Variants in MAGI2 observed in about 807,000 individuals in gnomAD.
The protein encoded by MAGI2 is membrane-associated guanylate kinase, WW and PDZ domain-containing protein 2.
In MAGI2, 35 loss-of-function variants were observed where a neutral mutation model predicts 133.3. That is an observed-to-expected ratio of 0.26 (90% confidence interval 0.20 to 0.35). The LOEUF (loss-of-function observed/expected upper bound fraction) is 0.35, where lower values mean the gene tolerates loss of function less well. MAGI2 is among the 10% of genes least tolerant of loss of function. MAGI2 has a pLI of 1.00. For synonymous variants in MAGI2, 729 were observed against 710.6 expected (o/e 1.03, Z -0.41); for missense variants, 1,636 against 1,863.4 (o/e 0.88, Z 2.25).
chr7:78,708,960 CT>C (rs1818911335), intron 2 of MAGI2, among the ~76,000 whole-genome samples: 1 of 151,994 alleles, frequency 6.6e-6, no homozygotes, highest in African/African-American at 2.4e-5. Context: ...AATAAATACC[CT>C]TCCAATCTGT....
intron 1 of MAGI2, among the ~76,000 whole-genome samples, chr7:79,061,430 T>C (rs1285875668): frequency 6.6e-6 from 1 of 151,934 alleles, no homozygotes; most frequent in Non-Finnish European, 1.5e-5. Flanking sequence ...CTGTCGGAGA[T>C]ATTTAGAGGC....
chr7:78,670,054 G>A (rs1292865384), intron 2 of MAGI2, among the ~76,000 whole-genome samples: 2 of 151,694 alleles, frequency 1.3e-5, no homozygotes, highest in East Asian at 1.9e-4. Context: ...TCAACATAGT[G>A]TTGGAAGTTC....
At chr7:79,230,786 C>G (rs1168312549) in intron 1 of MAGI2, among the ~76,000 whole-genome samples, 2 of 151,842 alleles carry the variant, frequency 1.3e-5, no homozygotes, top group Non-Finnish European at 2.9e-5. Context: ...TGCAGAAGCT[C>G]TTTAGTTTAA....
chr7:79,089,543 T>G (rs374876507), intron 1 of MAGI2, among the ~76,000 whole-genome samples: 2 of 151,920 alleles, frequency 1.3e-5, no homozygotes, highest in Non-Finnish European at 2.9e-5. Flanking sequence ...AGCAAAGACT[T>G]TGAACCGACC....
intron 1 of MAGI2, among the ~76,000 whole-genome samples, chr7:79,276,207 T>A (rs1835219123): frequency 6.6e-6 from 1 of 152,192 alleles, no homozygotes; most frequent in African/African-American, 2.4e-5. Context: ...TTGTGACTCA[T>A]GGGAGGAGGT....
intron 2 of MAGI2, among the ~76,000 whole-genome samples, chr7:78,655,212 A>C (rs1812044910): frequency 6.6e-6 from 1 of 152,034 alleles, no homozygotes; most frequent in African/African-American, 2.4e-5. Flanking sequence ...AAAACGCAAG[A>C]CAACGGAAAA....
intron 2 of MAGI2, among the ~76,000 whole-genome samples, chr7:78,763,464 A>G (rs1192606086): frequency 3.3e-5 from 5 of 152,164 alleles, no homozygotes. Context: ...TCTTTACCTT[A>G]GCACACACTG....
At chr7:78,080,781 C>G (rs1815873702) in intron 20 of MAGI2, among the ~76,000 whole-genome samples, 1 of 152,100 alleles carries the variant, frequency 6.6e-6, no homozygotes, top group African/African-American at 2.4e-5. Context: ...GGTTCTTCCT[C>G]TTAATTCCCA....
intron 1 of MAGI2, among the ~76,000 whole-genome samples, chr7:79,371,438 T>A (rs1370038736): frequency 6.6e-6 from 1 of 152,150 alleles, no homozygotes; most frequent in African/African-American, 2.4e-5. Flanking sequence ...TCCTGTTAAC[T>A]ACATATATGA....
intron 2 of MAGI2, among the ~76,000 whole-genome samples, chr7:78,984,792 T>C: frequency 6.6e-6 from 1 of 152,032 alleles, no homozygotes; most frequent in East Asian, 1.9e-4. Context: ...AAATTATCTA[T>C]TTTTCTGTTT....
chr7:79,168,564 T>A (rs192516832), intron 1 of MAGI2, among the ~76,000 whole-genome samples: 1 of 152,192 alleles, frequency 6.6e-6, no homozygotes, highest in East Asian at 1.9e-4. Flanking sequence ...TGTTGTTATG[T>A]TCTTTAAACT....
intron 20 of MAGI2, among the ~76,000 whole-genome samples, chr7:78,106,308 T>G (rs1370462173): frequency 1.3e-5 from 2 of 152,188 alleles, no homozygotes; most frequent in Admixed American, 6.5e-5. Context: ...TGAATACCAC[T>G]GTAATAAACA....
At chr7:79,132,211 G>C (rs1485702624) in intron 1 of MAGI2, among the ~76,000 whole-genome samples, 1 of 151,932 alleles carries the variant, frequency 6.6e-6, no homozygotes, top group African/African-American at 2.4e-5. Context: ...GAATTATATA[G>C]CGATGAATTC....
rs373905250 is a variant in MAGI2 at position 78,466,829 on chromosome 7, G to T, written c.1045+22932C>A. Among the ~76,000 whole-genome samples, 11 of 152,200 alleles carry T rather than the reference G, an allele frequency of 7.2e-5. 1 individual carries two copies. The highest frequency in any genetic ancestry group is 2.6e-4 in the African/African-American group (11 of 41,530). ...TGGGCTGCTTGTTGAAAGGCACTCG[G>T]CAGAGAGTGGGATGGGGCAGAAATC... is the stretch of plus-strand genomic sequence containing the variant. On this transcript the variant is annotated intron_variant, in intron 6 of 21. Coordinates refer to ENST00000354212, the MANE Select transcript of MAGI2 (RefSeq NM_012301.4).
intron 2 of MAGI2, among the ~76,000 whole-genome samples, chr7:78,872,558 A>C (rs1795116018): frequency 6.6e-6 from 1 of 152,002 alleles, no homozygotes; most frequent in Admixed American, 6.6e-5. Flanking sequence ...ACTGAATAGT[A>C]AAATATTAGT....
intron 6 of MAGI2, among the ~76,000 whole-genome samples, chr7:78,406,410 T>C (rs1180055483): frequency 6.6e-6 from 1 of 152,104 alleles, no homozygotes; most frequent in Non-Finnish European, 1.5e-5. Flanking sequence ...GCATTTTTCC[T>C]TTAAAACATG....
intron 1 of MAGI2, among the ~76,000 whole-genome samples, chr7:79,388,297 GCTTA>G (rs1228088577): frequency 2.6e-5 from 4 of 151,758 alleles, no homozygotes; most frequent in African/African-American, 9.7e-5. Context: ...TGTATCCTAA[GCTTA>G]CTTACTTTTA....
chr7:78,931,477 G>A (rs1800116617), intron 2 of MAGI2, among the ~76,000 whole-genome samples: 2 of 152,074 alleles, frequency 1.3e-5, no homozygotes, highest in South Asian at 2.1e-4. Context: ...CAATGTTCTG[G>A]ACAGTGGGAC....
chr7:78,052,228 G>A (rs534716508), intron 21 of MAGI2, among the ~76,000 whole-genome samples: 1 of 152,128 alleles, frequency 6.6e-6, no homozygotes, highest in Non-Finnish European at 1.5e-5. Context: ...TGGAGGTAGG[G>A]CCTGGGAGGT....
Sources: allele counts gnomAD v4.1 joint callset (sites outside exome capture counted in the v4.1 genomes callset), GRCh38; gene constraint gnomAD v4.1.1; transcripts MANE v1.5; gene names NCBI Gene and HGNC (gene_info 2026-07-23, HGNC 2026-07-21).